FHL2: variants seen among roughly 807,000 people sequenced by gnomAD.
FHL2 encodes four and a half LIM domains protein 2.
Under a neutral mutation model 32.7 loss-of-function variants are expected in FHL2, and 20 were observed. The observed-to-expected ratio is 0.61, with a 90% confidence interval of 0.43 to 0.89. The LOEUF (loss-of-function observed/expected upper bound fraction) is 0.89. FHL2 is among the 40% of genes least tolerant of loss of function. FHL2 has a pLI of 0.00. For missense variants in FHL2, 311 were observed against 358.6 expected, an observed-to-expected ratio of 0.87 and a Z score of 1.07; for synonymous variants, 123 against 128.1, an observed-to-expected ratio of 0.96 and a Z score of 0.27.
rs151180034 is a variant in FHL2, at chr2:105,413,183, G to A, written c.-25+25216C>T. On this transcript the variant is annotated intron_variant, in intron 1 of 5. Transcript: ENST00000393352. The stretch of plus-strand genomic sequence containing the variant: ...AGCTCTCATGACCCATCTTCATAGC[G>A]TCTCCTTCTCAACCAGCACAAGAAA... 2.0e-4 allele frequency among the ~76,000 whole-genome samples: 30 copies of A among 152,154 alleles called. No homozygotes were observed. In the East Asian group the frequency reaches 4.1e-3, roughly 21 times the overall value.
Position 105,373,808 on chromosome 2 carries a change from C to A in FHL2, c.157-75G>T, listed in dbSNP as rs111251088. On this transcript the variant is annotated intron_variant, in intron 3 of 6. Coordinates refer to ENST00000530340, the MANE Select transcript of FHL2 (RefSeq NM_001318895.3). The stretch of plus-strand genomic sequence containing the variant: ...GGACCCACAGCATAGGGGCCCCTTG[C>A]GAATCTGCAGGGCAAACAAGGAAAG... The A allele has an allele frequency of 4.1e-5, 60 of 1,475,168 alleles. No homozygotes were observed. The African/African-American group carries it at 7.4e-4, about 18-fold the overall frequency. The allele number at this position is 1,475,168 out of a possible 1,614,324, so 91.4% of individuals were successfully genotyped here.
At chr2:105,405,276 T>G (rs995518880) in intron 1 of FHL2, among the ~76,000 whole-genome samples, 14 of 152,256 alleles carry the variant, frequency 9.2e-5, no homozygotes, top group African/African-American at 3.1e-4. Flanking sequence ...GAAGTATTAA[T>G]GTCTAAAGTC....
intron 1 of FHL2, among the ~76,000 whole-genome samples, chr2:105,433,327 C>T (rs148896754): frequency 1.2e-4 from 18 of 152,016 alleles, no homozygotes; most frequent in African/African-American, 1.7e-4. Flanking sequence ...ATTACAGGCA[C>T]GCTCCACCAT....
intron 1 of FHL2, among the ~76,000 whole-genome samples, chr2:105,429,081 A>T (rs1187925551): frequency 6.6e-6 from 1 of 152,158 alleles, no homozygotes; most frequent in Non-Finnish European, 1.5e-5. Context: ...GAAGGGGATG[A>T]CCTGTCCTGT....
chr2:105,411,189 A>G (rs927343219), intron 1 of FHL2, among the ~76,000 whole-genome samples: 17 of 152,342 alleles, frequency 1.1e-4, no homozygotes, highest in African/African-American at 3.1e-4. Context: ...CAAAAAACTG[A>G]TTCTAAAATT....
intron 2 of FHL2, among the ~76,000 whole-genome samples, chr2:105,393,425 T>A (rs1682878817): frequency 6.6e-6 from 1 of 152,204 alleles, no homozygotes; most frequent in African/African-American, 2.4e-5. Context: ...CAATTACTTA[T>A]CAATAATCAA....
At chr2:105,410,188 T>C (rs1300990336) in intron 1 of FHL2, among the ~76,000 whole-genome samples, 1 of 152,176 alleles carries the variant, frequency 6.6e-6, no homozygotes, top group Non-Finnish European at 1.5e-5. Context: ...CAGGACAGCT[T>C]TGTCCCCCAA....
intron 3 of FHL2, among the ~76,000 whole-genome samples, chr2:105,383,188 AT>A (rs1183772243): frequency 3.3e-5 from 5 of 152,166 alleles, no homozygotes; most frequent in African/African-American, 4.8e-5. Flanking sequence ...GCCCAGCCCT[AT>A]TTTTTCTTTA....
chr2:105,414,835 G>A (rs1683889963), intron 1 of FHL2, among the ~76,000 whole-genome samples: 1 of 152,200 alleles, frequency 6.6e-6, no homozygotes, highest in South Asian at 2.1e-4. Flanking sequence ...TTACAAGTGT[G>A]AGCCACTGTG....
At chr2:105,360,001 G>C (rs1680150635), downstream of FHL2, 1 of 152,186 alleles carries the variant, frequency 6.6e-6, no homozygotes, top group Non-Finnish European at 1.5e-5. Context: ...AAGAGAAAGA[G>C]TATGGGAAAG....
intron 1 of FHL2, among the ~76,000 whole-genome samples, chr2:105,414,248 T>A (rs1452912950): frequency 6.6e-6 from 1 of 152,192 alleles, no homozygotes; most frequent in Non-Finnish European, 1.5e-5. Flanking sequence ...AACCTCCCTA[T>A]GTTCAACCAT....
At chr2:105,408,780 CT>C (rs1488967451) in intron 1 of FHL2, among the ~76,000 whole-genome samples, 2 of 152,146 alleles carry the variant, frequency 1.3e-5, no homozygotes, top group Admixed American at 6.5e-5. Context: ...CATATTTTGA[CT>C]GCTGATAGGG....
At chr2:105,365,740 G>C (rs1461696016) in intron 5 of FHL2, among the ~76,000 whole-genome samples, 1 of 151,976 alleles carries the variant, frequency 6.6e-6, no homozygotes, top group Non-Finnish European at 1.5e-5. Flanking sequence ...AGCTGCTCAG[G>C]AGGCTGAGGC....
chr2:105,396,608 C>T (rs746475324), intron 2 of FHL2, 39 bp downstream of exon 2: 34 of 1,593,242 alleles, frequency 2.1e-5, no homozygotes, highest in Middle Eastern at 1.7e-4. Flanking sequence ...AAACTGAAAT[C>T]CACAATTTAG....
rs150348390 is a variant in FHL2, at chr2:105,397,428, C to T, written c.-75-731G>A. Among the ~76,000 whole-genome samples, 1,245 of 152,162 alleles carry T rather than the reference C, an allele frequency of 8.2e-3. 12 individuals are homozygous for T. The highest frequency in any genetic ancestry group is 0.028 in the African/African-American group (1,149 of 41,490). ...GTCCCTGTTTCCCAGTGGAGAAAACCGAGACACTACGAGATTAAGTGACTT... is the reference window on the plus strand; with the variant it reads ...GTCCCTGTTTCCCAGTGGAGAAAACTGAGACACTACGAGATTAAGTGACTT... On this transcript the variant is annotated intron_variant, in intron 1 of 6. Coordinates refer to ENST00000530340, the MANE Select transcript of FHL2 (RefSeq NM_001318895.3).
At chr2:105,411,013 A>G (rs1683772450) in intron 1 of FHL2, among the ~76,000 whole-genome samples, 1 of 152,182 alleles carries the variant, frequency 6.6e-6, no homozygotes, top group Non-Finnish European at 1.5e-5. Flanking sequence ...CAAAATGTCC[A>G]CCCTGAATCT....
chr2:105,396,858 G>A (rs1683163898), intron 1 of FHL2, 161 bp from the exon 2 acceptor site: 2 of 648,384 alleles, frequency 3.1e-6, no homozygotes, highest in Non-Finnish European at 2.6e-6. Flanking sequence ...ATTCACCCAA[G>A]CTCAAGGAAC....
At chr2:105,361,722 G>C (rs936903587) in intron 6 of FHL2, among the ~76,000 whole-genome samples, 1 of 152,180 alleles carries the variant, frequency 6.6e-6, no homozygotes, top group Non-Finnish European at 1.5e-5. Flanking sequence ...CCCACAAAAT[G>C]AAACTCCATG....
chr2:105,437,196 G>A (rs983735464), intron 1 of FHL2, among the ~76,000 whole-genome samples: 5 of 152,156 alleles, frequency 3.3e-5, no homozygotes, highest in Non-Finnish European at 5.9e-5. Flanking sequence ...TTTAATATAA[G>A]AAAATGCCTC....
Sources: allele counts gnomAD v4.1 joint callset (sites outside exome capture counted in the v4.1 genomes callset), GRCh38; gene constraint gnomAD v4.1.1; transcripts MANE v1.5; gene names NCBI Gene and HGNC (gene_info 2026-07-23, HGNC 2026-07-21).